The following PARPBP variants were observed in gnomAD, a reference collection of about 807,000 sequenced individuals.
The protein encoded by PARPBP is PARP1 binding protein.
PARPBP carries 52 observed loss-of-function variants against 50.0 expected under a neutral mutation model. That is an observed-to-expected ratio of 1.04 (90% CI 0.83 to 1.31). The LOEUF is 1.31. Among genes scored for constraint, PARPBP ranks in the 50% most tolerant of loss-of-function variants. PARPBP has a pLI of 0.00. For missense variants in PARPBP, 697 were observed against 672.0 expected (o/e 1.04, Z -0.41); for synonymous variants, 244 against 232.1 (o/e 1.05, Z -0.47).
intron 2 of PARPBP, among the ~76,000 whole-genome samples, chr12:102,137,694 C>T (rs1883868560): frequency 6.6e-6 from 1 of 151,956 alleles, no homozygotes; most frequent in Non-Finnish European, 1.5e-5. Flanking sequence ...GTGATGTTCC[C>T]CTTCCTGTGT....
chr12:102,155,684 G>A (rs1036516337), intron 4 of PARPBP, among the ~76,000 whole-genome samples: 1 of 151,356 alleles, frequency 6.6e-6, no homozygotes, highest in Non-Finnish European at 1.5e-5. Flanking sequence ...CCCATTTTAT[G>A]GGAGCTCTGT....
intron 2 of PARPBP, among the ~76,000 whole-genome samples, chr12:102,131,057 GC>G (rs1261833919): frequency 1.3e-5 from 2 of 152,108 alleles, no homozygotes; most frequent in South Asian, 2.1e-4. Context: ...AGTAACAGTG[GC>G]TCACGCCTAT....
intron 4 of PARPBP, among the ~76,000 whole-genome samples, chr12:102,156,090 T>G (rs1327677088): frequency 8.7e-5 from 13 of 149,490 alleles, no homozygotes; most frequent in Admixed American, 6.7e-4. Context: ...ATCTTGAAAG[T>G]GGCCCGCCAC....
intron 8 of PARPBP, among the ~76,000 whole-genome samples, chr12:102,181,563 A>G (rs1222428378): frequency 6.6e-6 from 1 of 152,212 alleles, no homozygotes; most frequent in Non-Finnish European, 1.5e-5. Flanking sequence ...TCATAATCTT[A>G]TGGCATCACT....
chr12:102,193,634 T>C (rs1357305023), intron 9 of PARPBP, among the ~76,000 whole-genome samples: 1 of 152,058 alleles, frequency 6.6e-6, no homozygotes, highest in African/African-American at 2.4e-5. Context: ...GAAATAAAAG[T>C]TCATGGATAA....
chr12:102,146,553 T>C (rs1885382149), intron 2 of PARPBP, among the ~76,000 whole-genome samples: 1 of 152,178 alleles, frequency 6.6e-6, no homozygotes, highest in Non-Finnish European at 1.5e-5. Context: ...TTACACCTTA[T>C]ATAAAAATTA....
At chr12:102,124,672 G>A (rs1487807133) in intron 2 of PARPBP, among the ~76,000 whole-genome samples, 1 of 152,158 alleles carries the variant, frequency 6.6e-6, no homozygotes, top group African/African-American at 2.4e-5. Flanking sequence ...AGGGTTCAGG[G>A]GAATCAAAGT....
At chr12:102,191,961 A>C (rs914180206) in intron 9 of PARPBP, among the ~76,000 whole-genome samples, 5 of 152,150 alleles carry the variant, frequency 3.3e-5, no homozygotes, top group Admixed American at 1.3e-4. Flanking sequence ...AGAGATTTGG[A>C]AGATTTGCAA....
chr12:102,148,493 A>C, intron 3 of PARPBP, 30 bp downstream of exon 3: 1 of 852,612 alleles, frequency 1.2e-6, no homozygotes, highest in Non-Finnish European at 1.8e-6. Flanking sequence ...TTCTATTTTA[A>C]TCAAATTAAA....
chr12:102,187,820 C>G (rs1039693036), intron 9 of PARPBP, among the ~76,000 whole-genome samples: 10 of 151,982 alleles, frequency 6.6e-5, no homozygotes, highest in African/African-American at 2.2e-4. Context: ...TGGTAGAACA[C>G]CATTCTCGCT....
At position 102,129,667 on chromosome 12, in the gene PARPBP, C is replaced by T. The variant is rs141101654; in HGVS notation, c.153+5626C>T. 9.1e-3 allele frequency among the ~76,000 whole-genome samples: 1,389 copies of T among 152,048 alleles called. 22 individuals are homozygous for T. The highest frequency in any genetic ancestry group is 0.031 in the African/African-American group (1,306 of 41,482). ...GGAATGTTTTTCCATTTGTTTGTAC[C>T]TTCTCTGATTTCTTTGAGCAGTGTT... is the stretch of plus-strand genomic sequence containing the variant. On this transcript the variant is annotated intron_variant, in intron 2 of 10. Transcript: ENST00000327680.
chr12:102,188,128 A>G (rs558173766), intron 9 of PARPBP, among the ~76,000 whole-genome samples: 1 of 152,216 alleles, frequency 6.6e-6, no homozygotes, highest in Admixed American at 6.5e-5. Flanking sequence ...AGCAGTCCTA[A>G]ATGCAGTTAT....
At chr12:102,166,972 T>A (rs982739683) in intron 6 of PARPBP, among the ~76,000 whole-genome samples, 33 of 152,264 alleles carry the variant, frequency 2.2e-4, no homozygotes, top group Non-Finnish European at 2.2e-4. Flanking sequence ...TTTTAAAAAA[T>A]TTTTTGTAAG....
At chr12:102,162,293 T>G (rs545347236) in intron 4 of PARPBP, among the ~76,000 whole-genome samples, 1 of 152,352 alleles carries the variant, frequency 6.6e-6, no homozygotes, top group Admixed American at 6.5e-5. Context: ...TTACAGATGA[T>G]AAATTCCGGG....
At chr12:102,128,804 C>T (rs1219356641) in intron 2 of PARPBP, among the ~76,000 whole-genome samples, 1 of 152,168 alleles carries the variant, frequency 6.6e-6, no homozygotes, top group African/African-American at 2.4e-5. Flanking sequence ...CCTGATCTCT[C>T]TTCACTACTG....
chr12:102,173,022 ATAAT>A (rs1278797062), intron 6 of PARPBP, among the ~76,000 whole-genome samples: 3 of 152,208 alleles, frequency 2.0e-5, no homozygotes, highest in Non-Finnish European at 2.9e-5. Flanking sequence ...TCCATTGAAA[ATAAT>A]TAATAATGTT....
Position 102,148,401 on chromosome 12 carries a change from G to C in PARPBP, c.325G>C (p.Asp109His). ...GAACAGTAATATGTTAGATCTGATT[G>C]ATGTTTATCAAAAATGTAGGGCTTT... ...LKNSNMLDLI[D>H]VYQKCRALTS... The change falls in exon 3 of 11, where the codon GAT becomes CAT. Residue 109 changes from aspartate to histidine, a missense_variant. Coordinates refer to ENST00000327680, the MANE Select transcript of PARPBP (RefSeq NM_017915.5). 1 of 1,574,796 alleles carries C rather than the reference G, an allele frequency of 6.4e-7. No homozygotes were observed. The highest frequency in any genetic ancestry group is 8.7e-7 in the Non-Finnish European group (1 of 1,145,976).
chr12:102,135,235 G>C (rs568339301), intron 2 of PARPBP, among the ~76,000 whole-genome samples: 1 of 152,012 alleles, frequency 6.6e-6, no homozygotes, highest in Non-Finnish European at 1.5e-5. Flanking sequence ...ATACTGAATC[G>C]GAGAAAGAGT....
chr12:102,183,393 A>C (rs1890018648), intron 9 of PARPBP, among the ~76,000 whole-genome samples: 1 of 152,040 alleles, frequency 6.6e-6, no homozygotes, highest in African/African-American at 2.4e-5. Flanking sequence ...TTATTTTTTC[A>C]TTTGGAAATT....
Sources: allele counts gnomAD v4.1 joint callset (sites outside exome capture counted in the v4.1 genomes callset), GRCh38; gene constraint gnomAD v4.1.1; transcripts MANE v1.5; gene names NCBI Gene and HGNC (gene_info 2026-07-23, HGNC 2026-07-21).